RBPMS: variants seen among roughly 807,000 people sequenced by gnomAD.
RBPMS encodes RNA-binding protein with multiple splicing.
A neutral mutation model predicts 26.8 loss-of-function variants in RBPMS; 7 were observed. The ratio of observed to expected loss-of-function variants is 0.26; its 90% CI spans 0.15 to 0.49. The LOEUF (loss-of-function observed/expected upper bound fraction) is 0.49. Among genes scored for constraint, RBPMS ranks in the 20% least tolerant of loss-of-function variants. The pLI is 0.98. For missense variants in RBPMS, 186 were observed against 250.0 expected, an observed-to-expected ratio of 0.74 and a Z score of 1.73; for synonymous variants, 96 against 93.3, an observed-to-expected ratio of 1.03 and a Z score of -0.17.
intron 5 of RBPMS, among the ~76,000 whole-genome samples, chr8:30,516,112 G>A (rs1822279973): frequency 6.6e-6 from 1 of 152,182 alleles, no homozygotes; most frequent in Non-Finnish European, 1.5e-5. Context: ...AGGCACAGTG[G>A]CTCACGCCTG....
intron 5 of RBPMS, among the ~76,000 whole-genome samples, chr8:30,536,466 A>C (rs541443524): frequency 7.9e-5 from 12 of 152,130 alleles, no homozygotes; most frequent in Non-Finnish European, 1.0e-4. Context: ...GATGTACCCA[A>C]GCAGCAATTT....
At chr8:30,568,897 A>G (rs1479475012) in intron 8 of RBPMS, among the ~76,000 whole-genome samples, 1 of 151,928 alleles carries the variant, frequency 6.6e-6, no homozygotes, top group Admixed American at 6.5e-5. Flanking sequence ...TTCCCATGCA[A>G]GGATCCCATT....
intron 4 of RBPMS, among the ~76,000 whole-genome samples, chr8:30,497,093 A>G (rs1820042090): frequency 6.6e-6 from 1 of 152,226 alleles, no homozygotes; most frequent in African/African-American, 2.4e-5. Context: ...TGGAAATGAC[A>G]TGGCTATCAA....
chr8:30,459,123 G>A (rs895673915), intron 1 of RBPMS, among the ~76,000 whole-genome samples: 14 of 151,558 alleles, frequency 9.2e-5, no homozygotes, highest in African/African-American at 2.9e-4. Context: ...CACCACACCC[G>A]GCTAGTTTTT....
At chr8:30,431,944 G>A (rs1167299228) in intron 1 of RBPMS, among the ~76,000 whole-genome samples, 2 of 151,894 alleles carry the variant, frequency 1.3e-5, no homozygotes, top group African/African-American at 4.8e-5. Flanking sequence ...AACATAGGGA[G>A]ACCCTGTCTT....
At chr8:30,526,901 T>C (rs1823644541) in intron 5 of RBPMS, among the ~76,000 whole-genome samples, 1 of 152,206 alleles carries the variant, frequency 6.6e-6, no homozygotes, top group Non-Finnish European at 1.5e-5. Context: ...AAAGGAGATG[T>C]GGCTTTGTCT....
At chr8:30,450,482 G>C (rs1244785543) in intron 1 of RBPMS, among the ~76,000 whole-genome samples, 1 of 152,128 alleles carries the variant, frequency 6.6e-6, no homozygotes, top group Non-Finnish European at 1.5e-5. Flanking sequence ...GGATGTCATG[G>C]GAGGTCACTT....
intron 5 of RBPMS, among the ~76,000 whole-genome samples, chr8:30,512,004 A>T (rs1821768696): frequency 6.6e-6 from 1 of 152,152 alleles, no homozygotes; most frequent in Non-Finnish European, 1.5e-5. Flanking sequence ...TTTACATAAT[A>T]TTGGGTTGGT....
chr8:30,495,793 T>A (rs563158931), intron 4 of RBPMS, among the ~76,000 whole-genome samples: 1 of 152,174 alleles, frequency 6.6e-6, no homozygotes, highest in African/African-American at 2.4e-5. Flanking sequence ...TCATTCTCTG[T>A]TGGAATCCAT....
At chr8:30,552,149 C>G (rs1826436836) in intron 6 of RBPMS, among the ~76,000 whole-genome samples, 1 of 152,062 alleles carries the variant, frequency 6.6e-6, no homozygotes, top group Admixed American at 6.6e-5. Flanking sequence ...TGAGAATGGT[C>G]CGTGGCTGTG....
At chr8:30,443,971 A>C (rs530107656) in intron 1 of RBPMS, among the ~76,000 whole-genome samples, 4 of 151,506 alleles carry the variant, frequency 2.6e-5, no homozygotes, top group Admixed American at 1.3e-4. Context: ...CAGTTAGCTC[A>C]CTGCAATCTC....
chr8:30,425,962 G>C (rs781481667), intron 1 of RBPMS, among the ~76,000 whole-genome samples: 2 of 152,102 alleles, frequency 1.3e-5, no homozygotes, highest in Non-Finnish European at 2.9e-5. Flanking sequence ...GACTCTTATC[G>C]ATGGTGTTGT....
At chr8:30,428,398 G>C (rs1389460735) in intron 1 of RBPMS, among the ~76,000 whole-genome samples, 1 of 151,972 alleles carries the variant, frequency 6.6e-6, no homozygotes, top group Admixed American at 6.6e-5. Flanking sequence ...GGAGGCTGTG[G>C]TAAGTTGTGA....
At chr8:30,457,526 C>T (rs1433509389) in intron 1 of RBPMS, among the ~76,000 whole-genome samples, 1 of 150,514 alleles carries the variant, frequency 6.6e-6, no homozygotes, top group Non-Finnish European at 1.5e-5. Flanking sequence ...TTATGGGTAA[C>T]TTCTCAAAAT....
chr8:30,529,752 C>CT (rs34005902), intron 5 of RBPMS, among the ~76,000 whole-genome samples: 7,264 of 140,660 alleles, frequency 0.052, 532 homozygotes, highest in African/African-American at 0.16. Flanking sequence ...GAACTTCATC[C>CT]TTTTTTTTTT....
chr8:30,569,516 C>T (rs1057346122), intron 8 of RBPMS, among the ~76,000 whole-genome samples: 10 of 152,144 alleles, frequency 6.6e-5, no homozygotes, highest in African/African-American at 1.9e-4. Flanking sequence ...AGGCACGGCA[C>T]GCTCTGCTGA....
intron 1 of RBPMS, among the ~76,000 whole-genome samples, chr8:30,458,722 A>G (rs1815533364): frequency 6.6e-6 from 1 of 152,122 alleles, no homozygotes; most frequent in Non-Finnish European, 1.5e-5. Flanking sequence ...GGCCTCAGAC[A>G]CTGTTTTTTG....
rs552735562 is a variant in RBPMS at position 30,555,911 on chromosome 8, C to G, written c.529-2976C>G. The G allele has an allele frequency of 1.0e-4, 100 of 984,870 alleles. 1 individual carries two copies. Among genetic ancestry groups the G allele is most frequent in the East Asian group, 7.9e-4 (7 of 8,818 alleles). The allele number at this position is 984,870 out of a possible 1,614,324, so 61.0% of individuals were successfully genotyped here. A position where few individuals can be genotyped will look rare whatever the true frequency, so the allele number is the denominator to read the frequency against. On this transcript the variant is annotated intron_variant, in intron 6 of 8. Coordinates refer to ENST00000397323, the MANE Select transcript of RBPMS (RefSeq NM_001008710.3). ...ATTAGCGCGGAGCAGCTTGTTCCCCCCCACCGGGCCGGCTGCCCGAACTCT... is the reference window on the plus strand; with the variant it reads ...ATTAGCGCGGAGCAGCTTGTTCCCCGCCACCGGGCCGGCTGCCCGAACTCT...
At chr8:30,487,939 TAA>T (rs886618572) in intron 4 of RBPMS, among the ~76,000 whole-genome samples, 2 of 152,096 alleles carry the variant, frequency 1.3e-5, no homozygotes, top group Non-Finnish European at 2.9e-5. Context: ...AAAGGATATA[TAA>T]GATTTTTTTT....
Sources: gnomAD v4.1 joint callset for allele counts (sites outside exome capture counted in the v4.1 genomes callset) on GRCh38, gnomAD v4.1.1 for gene constraint, MANE v1.5 for transcripts, NCBI Gene and HGNC (gene_info 2026-07-23, HGNC 2026-07-21) for gene names.